MAGI2: variants seen among roughly 807,000 people sequenced by gnomAD.
The protein encoded by MAGI2 is membrane associated guanylate kinase, WW and PDZ domain containing 2.
MAGI2 carries 35 observed loss-of-function variants against 133.3 expected under a neutral mutation model. The observed-to-expected ratio is 0.26, with a 90% CI of 0.20 to 0.35. MAGI2 has a LOEUF of 0.35. Ranked by LOEUF, MAGI2 falls within the 10% of genes least tolerant of loss-of-function variation. The probability of loss-of-function intolerance (pLI) is 1.00; values close to 1 mark genes in which losing one functional copy is unlikely to be tolerated. For missense variants in MAGI2, 1,636 were observed against 1,863.4 expected, an observed-to-expected ratio of 0.88 and a Z score of 2.25; for synonymous variants, 729 against 710.6, an observed-to-expected ratio of 1.03 and a Z score of -0.41.
At chr7:78,202,627 G>C (rs1200897357) in intron 10 of MAGI2, among the ~76,000 whole-genome samples, 2 of 135,138 alleles carry the variant, frequency 1.5e-5, no homozygotes, top group Admixed American at 8.6e-5. Flanking sequence ...AGAGTGCAGT[G>C]AGCCAAGATC....
intron 2 of MAGI2, among the ~76,000 whole-genome samples, chr7:78,931,967 G>T (rs1407311879): frequency 6.7e-6 from 1 of 148,476 alleles, no homozygotes. Flanking sequence ...CACACCTGAC[G>T]TCCTGTGATG....
At chr7:79,347,864 C>G (rs1841435042) in intron 1 of MAGI2, among the ~76,000 whole-genome samples, 1 of 151,820 alleles carries the variant, frequency 6.6e-6, no homozygotes, top group African/African-American at 2.4e-5. Flanking sequence ...GATTATGTCA[C>G]AGAAAAATCT....
intron 9 of MAGI2, among the ~76,000 whole-genome samples, chr7:78,325,038 T>C (rs1788444214): frequency 3.3e-5 from 5 of 152,198 alleles, no homozygotes; most frequent in Admixed American, 3.3e-4. Context: ...CTGTCATCTA[T>C]TTGTGCTTGT....
Position 78,019,282 on chromosome 7 carries a change from C to T in MAGI2, c.*33G>A. The T allele has an allele frequency of 1.3e-6, 2 of 1,575,340 alleles. No individual in the cohort carries two copies. The highest frequency in any genetic ancestry group is 1.7e-6 in the Non-Finnish European group (2 of 1,169,882). ...CGGAACCTAAGAAGAACTGCCTGCGCCGGGGCGGGCGGGTTGGCCGTGGCC... is the reference window on the plus strand; with the variant it reads ...CGGAACCTAAGAAGAACTGCCTGCGTCGGGGCGGGCGGGTTGGCCGTGGCC... On this transcript the variant is annotated 3_prime_UTR_variant, in exon 22 of 22. Transcript: ENST00000354212.
In MAGI2 at chr7:79,212,092, T is replaced by C. The variant is rs79826235; in HGVS notation, c.302-204886A>G. Among the ~76,000 whole-genome samples the C allele has an allele frequency of 9.2e-3, 1,393 of 152,220 alleles. 32 individuals carry two copies. The highest frequency in any genetic ancestry group is 0.032 in the African/African-American group (1,332 of 41,462). The stretch of plus-strand genomic sequence containing the variant: ...ATTATTATTACAGAAAAACCACATA[T>C]GTATCCATATTTATTTTACTTATTA... On this transcript the variant is annotated intron_variant, in intron 1 of 21. Transcript: ENST00000354212.
At chr7:79,396,612 T>G (rs1393793952) in intron 1 of MAGI2, among the ~76,000 whole-genome samples, 1 of 152,114 alleles carries the variant, frequency 6.6e-6, no homozygotes, top group African/African-American at 2.4e-5. Context: ...GAGTTGAGAA[T>G]TAATCTTAAT....
chr7:78,125,576 T>C (rs1457628619), intron 20 of MAGI2, 118 bp downstream of exon 20: 7 of 997,298 alleles, frequency 7.0e-6, no homozygotes, highest in Non-Finnish European at 1.0e-5. Flanking sequence ...CATCATCAAC[T>C]AGAAAGAGGG....
chr7:79,029,646 G>A (rs1334226867), intron 1 of MAGI2, among the ~76,000 whole-genome samples: 4 of 152,062 alleles, frequency 2.6e-5, no homozygotes, highest in African/African-American at 9.7e-5. Flanking sequence ...AATTATTTAA[G>A]GTTTTGTTCA....
intron 6 of MAGI2, among the ~76,000 whole-genome samples, chr7:78,404,401 C>T (rs528729642): frequency 2.2e-4 from 33 of 152,254 alleles, no homozygotes; most frequent in African/African-American, 7.5e-4. Flanking sequence ...AGGCATCATG[C>T]TACCTGACTT....
intron 1 of MAGI2, among the ~76,000 whole-genome samples, chr7:79,171,770 A>ATATATATATATATTTATATTTTTTTTT: frequency 3.2e-5 from 1 of 31,204 alleles, no homozygotes; most frequent in African/African-American, 6.5e-5. Flanking sequence ...ATATATATAT[A>ATATATATATATATTTATATTTTTTTTT]TTTTTTTTTT....
intron 20 of MAGI2, among the ~76,000 whole-genome samples, chr7:78,104,851 T>A (rs796926680): frequency 1.5e-4 from 23 of 152,326 alleles, no homozygotes; most frequent in African/African-American, 5.1e-4. Context: ...GTTTGCTATA[T>A]CTTTATTATG....
At chr7:78,822,367 G>T (rs1584029953) in intron 2 of MAGI2, among the ~76,000 whole-genome samples, 1 of 152,034 alleles carries the variant, frequency 6.6e-6, no homozygotes, top group East Asian at 1.9e-4. Context: ...AATTTTGGTT[G>T]TACTATGGAG....
At chr7:78,564,691 A>G (rs1055853076) in intron 3 of MAGI2, among the ~76,000 whole-genome samples, 2 of 151,218 alleles carry the variant, frequency 1.3e-5, no homozygotes, top group African/African-American at 2.4e-5. Context: ...CAGTTAAAGC[A>G]TATGGGTTTG....
intron 1 of MAGI2, among the ~76,000 whole-genome samples, chr7:79,404,969 C>A (rs1245912218): frequency 6.6e-6 from 1 of 151,914 alleles, no homozygotes; most frequent in Non-Finnish European, 1.5e-5. Context: ...GCTCAGGTGC[C>A]GACATGAGTG....
At chr7:78,475,861 T>G (rs531963475) in intron 6 of MAGI2, among the ~76,000 whole-genome samples, 1 of 151,814 alleles carries the variant, frequency 6.6e-6, no homozygotes, top group Non-Finnish European at 1.5e-5. Flanking sequence ...ATCCAGCCCA[T>G]CTTTAAAATT....
intron 6 of MAGI2, among the ~76,000 whole-genome samples, chr7:78,455,805 A>AT (rs903539356): frequency 2.0e-5 from 3 of 151,786 alleles, no homozygotes; most frequent in African/African-American, 4.8e-5. Context: ...CTGTTTAATT[A>AT]TTTTTTTTCG....
intron 2 of MAGI2, among the ~76,000 whole-genome samples, chr7:78,727,253 T>C (rs1231610040): frequency 2.0e-5 from 3 of 152,112 alleles, no homozygotes; most frequent in Non-Finnish European, 4.4e-5. Context: ...TTTTGTGTGG[T>C]ATGGAAGAGA....
rs1333875457 is a variant in MAGI2, at chr7:78,343,841, A to T, written c.1345T>A (p.Phe449Ile). 6.2e-7 allele frequency: 1 copy of T among 1,612,276 alleles called. No individual in the cohort carries two copies. Among genetic ancestry groups the T allele is most frequent in the East Asian group, 2.2e-5 (1 of 44,736 alleles). ...TIIGGDEPDE[F>I]LQVKSVIPDG... ...GGAATCACACTTTTCACCTGCAGAAACTCATCAGGCTCGTCTCCACCAATG... is the reference window on the plus strand; with the variant it reads ...GGAATCACACTTTTCACCTGCAGAATCTCATCAGGCTCGTCTCCACCAATG... The change falls in exon 9 of 22, where the codon TTT (phenylalanine) becomes ATT (isoleucine). Residue 449 changes from phenylalanine to isoleucine, a missense_variant. Physicochemically the swap from Phe to Ile is conservative, Grantham distance 21 (BLOSUM62 0). Coordinates refer to ENST00000354212, the MANE Select transcript of MAGI2 (RefSeq NM_012301.4).
chr7:78,438,130 CAG>C (rs1399695214), intron 6 of MAGI2, among the ~76,000 whole-genome samples: 1 of 152,098 alleles, frequency 6.6e-6, no homozygotes, highest in Non-Finnish European at 1.5e-5. Flanking sequence ...ATAAAGCAAA[CAG>C]ATAACCACTG....
Sources: allele counts gnomAD v4.1 joint callset (sites outside exome capture counted in the v4.1 genomes callset), GRCh38; gene constraint gnomAD v4.1.1; transcripts MANE v1.5; gene names NCBI Gene and HGNC (gene_info 2026-07-23, HGNC 2026-07-21).